Variants in WNK3 observed in about 807,000 individuals in gnomAD.
WNK3 encodes WNK lysine deficient protein kinase 3.
A neutral mutation model predicts 116.7 loss-of-function variants in WNK3; 18 were observed. The ratio of observed to expected loss-of-function variants is 0.15; its 90% confidence interval spans 0.11 to 0.23. The LOEUF is 0.23. WNK3 is among the 10% of genes least tolerant of loss of function. The pLI, the probability that WNK3 is intolerant of heterozygous loss-of-function variation, is 1.00. For synonymous variants in WNK3, 404 were observed against 469.4 expected (o/e 0.86, Z 1.80); for missense variants, 993 against 1,323.8 (o/e 0.75, Z 3.88).
At chrX:54,295,448 GT>G (rs1569538212) in intron 7 of WNK3, among the ~76,000 whole-genome samples, 1 of 111,266 alleles carries the variant, frequency 9.0e-6, no homozygotes, top group Non-Finnish European at 1.9e-5. Context: ...CTGCCATTAC[GT>G]TTTTTGAAGG....
At chrX:54,278,585 G>T (rs1480874674) in intron 10 of WNK3, among the ~76,000 whole-genome samples, 1 of 110,474 alleles carries the variant, frequency 9.1e-6, no homozygotes, top group African/African-American at 3.3e-5. Context: ...AAAGACCCAC[G>T]CAAATAAGCC....
intron 22 of WNK3, among the ~76,000 whole-genome samples, chrX:54,213,565 C>CAAAAAAAAAAAAAAAAAAAAAAAAAAA (rs782750356): frequency 3.9e-5 from 1 of 25,365 alleles, no homozygotes; most frequent in Non-Finnish European, 8.6e-5. Context: ...AAAAAAAAAA[C>CAAAAAAAAAAAAAAAAAAAAAAAAAAA]AAACAAAAAA....
intron 1 of WNK3, 80 bp from the exon 2 acceptor site, chrX:54,333,872 A>C: frequency 2.4e-6 from 1 of 414,422 alleles, no homozygotes; most frequent in East Asian, 3.8e-5. Context: ...CTGATTTTTT[A>C]ATCCCTTTTT....
intron 10 of WNK3, among the ~76,000 whole-genome samples, chrX:54,261,413 T>G (rs1225351203): frequency 9.0e-6 from 1 of 111,623 alleles, no homozygotes; most frequent in African/African-American, 3.3e-5. Flanking sequence ...AGAAAAGTCC[T>G]GGAACCAATC....
At position 54,317,083 on chromosome X, in the gene WNK3, C is replaced by T. The variant is rs141042067; in HGVS notation, c.538-5792G>A. Reference sequence around the variant, plus strand: ...ACAGATGAATAAACAAAATATGGTACATACATACAATGGAATACTGTTTAG... The same window carrying T: ...ACAGATGAATAAACAAAATATGGTATATACATACAATGGAATACTGTTTAG... On this transcript the variant is annotated intron_variant, in intron 2 of 23. Coordinates refer to ENST00000354646, the Ensembl canonical transcript of WNK3. Among the ~76,000 whole-genome samples, 26 of 110,475 alleles carry T rather than the reference C, an allele frequency of 2.4e-4. No homozygotes were observed. The East Asian group carries it at 7.1e-3, about 30-fold the overall frequency.
intron 20 of WNK3, among the ~76,000 whole-genome samples, chrX:54,235,652 T>A (rs1286979191): frequency 9.0e-6 from 1 of 111,709 alleles, no homozygotes; most frequent in Admixed American, 9.6e-5. Context: ...ATTGTTCAAG[T>A]CCCAGAACAG....
At chrX:54,259,625 T>C (rs1051798179) in intron 10 of WNK3, among the ~76,000 whole-genome samples, 16 of 111,840 alleles carry the variant, frequency 1.4e-4, no homozygotes, top group Admixed American at 1.9e-4. Flanking sequence ...TGGAAGACAC[T>C]ACTATCGAGC....
intron 2 of WNK3, among the ~76,000 whole-genome samples, chrX:54,321,753 A>G (rs1289308382): frequency 1.8e-5 from 2 of 110,437 alleles, no homozygotes; most frequent in Non-Finnish European, 3.8e-5. Context: ...TGAGGTCAGG[A>G]GTTCGAGACC....
At chrX:54,259,144 C>G in intron 11 of WNK3, 130 bp downstream of exon 11, 1 of 236,664 alleles carries the variant, frequency 4.2e-6, no homozygotes, top group Non-Finnish European at 7.5e-6. Flanking sequence ...AAACTATCGT[C>G]TTTATTAAAC....
At chrX:54,216,240 C>T (rs1197796243) in intron 22 of WNK3, among the ~76,000 whole-genome samples, 1 of 107,988 alleles carries the variant, frequency 9.3e-6, no homozygotes, top group Non-Finnish European at 1.9e-5. Flanking sequence ...TCCTATGACC[C>T]TGCCAAATCC....
At chrX:54,257,283 T>C (rs1397807950) in intron 11 of WNK3, among the ~76,000 whole-genome samples, 1 of 110,392 alleles carries the variant, frequency 9.1e-6, no homozygotes, top group African/African-American at 3.3e-5. Flanking sequence ...CACCAGTAAG[T>C]AGAGTATAGC....
At position 54,251,522 on chromosome X, in the gene WNK3, T is replaced by G. The variant is rs1357154791; in HGVS notation, c.2523+10A>C. On this transcript the variant is annotated intron_variant, in intron 14 of 23. Coordinates refer to ENST00000354646, the Ensembl canonical transcript of WNK3. ...CTGAGAAGATCTGTTTGCTAAACAA[T>G]TGTTCTCACCTGGCTACTGTTGGAG... 3 of 1,206,556 alleles carry G rather than the reference T, an allele frequency of 2.5e-6. No homozygotes were observed. In the African/African-American group the frequency reaches 5.3e-5, roughly 21 times the overall value.
rs1297900370 is a variant in WNK3 at position 54,213,563 on chromosome X, AACAAAC to A, written c.4871-11376_4871-11371del. On this transcript the variant is annotated intron_variant, in intron 22 of 23. Transcript: ENST00000354646. ...AGTGAGACTCCGTCTCAAAAAAAAA[AACAAAC>A]AAAAAAAAAAAAACTAGGGGAAAAA... is the stretch of plus-strand genomic sequence containing the variant. Among the ~76,000 whole-genome samples, 124 of 97,175 alleles carry A rather than the reference AACAAAC, an allele frequency of 1.3e-3. 16 individuals are homozygous for A. The highest frequency in any genetic ancestry group is 5.6e-3 in the African/African-American group (119 of 21,322). The allele number at this position is 97,175 out of a possible 115,157, so 84.4% of individuals were successfully genotyped here.
At chrX:54,288,350 A>G (rs1434234136) in intron 10 of WNK3, among the ~76,000 whole-genome samples, 1 of 111,627 alleles carries the variant, frequency 9.0e-6, no homozygotes, top group Non-Finnish European at 1.9e-5. Context: ...GTGCCTGTCA[A>G]TGAGGTACCT....
chrX:54,237,369 T>C, exon 20 of WNK3: 1 of 1,208,812 alleles, frequency 8.3e-7, no homozygotes, highest in Non-Finnish European at 1.1e-6. Context: ...GAAGAGCTTG[T>C]AACTTCTCAT....
At chrX:54,225,252 A>AAAT (rs782103097) in intron 22 of WNK3, among the ~76,000 whole-genome samples, 1,410 of 107,294 alleles carry the variant, frequency 0.013, 26 homozygotes, top group African/African-American at 0.039. Context: ...CCCTGCCTCA[A>AAAT]AATAATAATA....
chrX:54,224,617 T>C (rs189077529), intron 22 of WNK3, among the ~76,000 whole-genome samples: 54 of 108,653 alleles, frequency 5.0e-4, no homozygotes, highest in African/African-American at 1.7e-3. Context: ...TCGCCCAGGC[T>C]GGAGTGCAGT....
intron 5 of WNK3, among the ~76,000 whole-genome samples, chrX:54,307,152 G>A (rs782192180): frequency 1.9e-5 from 2 of 106,834 alleles, no homozygotes; most frequent in South Asian, 4.3e-4. Context: ...GCTTGAACCC[G>A]GGAGGTGGAG....
At chrX:54,327,243 TG>T (rs782484487) in intron 2 of WNK3, among the ~76,000 whole-genome samples, 1 of 111,737 alleles carries the variant, frequency 8.9e-6, no homozygotes, top group South Asian at 3.7e-4. Context: ...GGAGTGGGGC[TG>T]TTAAGAATTA....
Sources: allele counts gnomAD v4.1 joint callset (sites outside exome capture counted in the v4.1 genomes callset), GRCh38; gene constraint gnomAD v4.1.1; transcripts MANE v1.5; gene names NCBI Gene and HGNC (gene_info 2026-07-23, HGNC 2026-07-21).